SAMMSON: variants seen among roughly 807,000 people sequenced by gnomAD.
SAMMSON encodes the protein long intergenic non-protein coding RNA 1212.
intron 4 of SAMMSON, among the ~76,000 whole-genome samples, chr3:70,155,658 A>G (rs956211226): frequency 1.5e-4 from 23 of 152,050 alleles, no homozygotes; most frequent in African/African-American, 4.8e-4. Context: ...CTTTCTTTCT[A>G]CCCCTTTCTT....
intron 3 of SAMMSON, among the ~76,000 whole-genome samples, chr3:70,053,830 A>G (rs969438641): frequency 1.3e-5 from 2 of 152,058 alleles, no homozygotes; most frequent in African/African-American, 2.4e-5. Flanking sequence ...ACATGTTGGG[A>G]ATTTAATTTC....
At chr3:70,175,938 A>T (rs4302351) in intron 4 of SAMMSON, among the ~76,000 whole-genome samples, 71,442 of 151,868 alleles carry the variant, frequency 0.47, 17,792 homozygotes, top group Non-Finnish European at 0.52. Context: ...CATAGTAATT[A>T]GGCTTACATT....
chr3:70,429,461 T>C (rs917235608), intron 2 of SAMMSON, among the ~76,000 whole-genome samples: 9 of 152,268 alleles, frequency 5.9e-5, no homozygotes, highest in African/African-American at 2.2e-4. Context: ...TCTTTTTTGG[T>C]TCCATATGAA....
chr3:70,196,821 A>T (rs1211072687), intron 4 of SAMMSON: 1 of 397,266 alleles, frequency 2.5e-6, no homozygotes, highest in African/African-American at 2.1e-5. Flanking sequence ...AGCATCCAAG[A>T]AATGTGTACA....
chr3:70,294,551 T>G (rs1189993034), intron 7 of SAMMSON, among the ~76,000 whole-genome samples: 2 of 152,180 alleles, frequency 1.3e-5, no homozygotes, highest in African/African-American at 4.8e-5. Context: ...TTATTGGGTG[T>G]GAAGTGCTCT....
chr3:70,356,133 A>G (rs1702827707), intron 8 of SAMMSON, among the ~76,000 whole-genome samples: 1 of 152,206 alleles, frequency 6.6e-6, no homozygotes. Flanking sequence ...TCATAAAAGC[A>G]GGTATTAATT....
At chr3:70,153,449 A>C (rs1364056144) in intron 4 of SAMMSON, among the ~76,000 whole-genome samples, 2 of 151,926 alleles carry the variant, frequency 1.3e-5, no homozygotes, top group Non-Finnish European at 2.9e-5. Context: ...ACCACTGAGG[A>C]ATGTTTTTGT....
At chr3:70,003,201 T>C in intron 1 of SAMMSON, among the ~76,000 whole-genome samples, 1 of 152,214 alleles carries the variant, frequency 6.6e-6, no homozygotes, top group Middle Eastern at 3.5e-3. Context: ...TTACTCTTTT[T>C]AAAAATATTT....
Position 70,225,731 on chromosome 3 carries a change from G to T in SAMMSON, n.508-23376G>T, listed in dbSNP as rs370609681. On this transcript the variant is annotated intron_variant and non_coding_transcript_variant, in intron 4 of 9. Transcript: ENST00000642114. ...AATGAAACAATAAAGTAGAACGATA[G>T]TTTGGTGATAAGAACAAAAACACTT... is the stretch of plus-strand genomic sequence containing the variant. 3.9e-5 allele frequency among the ~76,000 whole-genome samples: 6 copies of T among 152,286 alleles called. No individual in the cohort carries two copies. In the East Asian group the frequency reaches 1.2e-3, roughly 29 times the overall value.
At chr3:70,351,628 C>G (rs1387360978) in intron 7 of SAMMSON, among the ~76,000 whole-genome samples, 2 of 151,934 alleles carry the variant, frequency 1.3e-5, no homozygotes, top group African/African-American at 4.8e-5. Flanking sequence ...TTGTTTTTAC[C>G]TCATATATCC....
intron 6 of SAMMSON, among the ~76,000 whole-genome samples, chr3:70,273,776 G>A (rs552827654): frequency 6.6e-6 from 1 of 152,282 alleles, no homozygotes; most frequent in South Asian, 2.1e-4. Flanking sequence ...AATGTAGAAA[G>A]AGGTCCAGAA....
At chr3:70,298,466 C>G (rs570087318) in intron 7 of SAMMSON, among the ~76,000 whole-genome samples, 1 of 152,168 alleles carries the variant, frequency 6.6e-6, no homozygotes, top group African/African-American at 2.4e-5. Flanking sequence ...GAGCTGAACT[C>G]CAACTTTTAT....
At chr3:70,085,341 A>G (rs1475042972) in intron 4 of SAMMSON, among the ~76,000 whole-genome samples, 1 of 152,062 alleles carries the variant, frequency 6.6e-6, no homozygotes, top group Non-Finnish European at 1.5e-5. Flanking sequence ...CCCCTTTTTC[A>G]TTATCACCTT....
chr3:70,321,272 G>T (rs1207175940), intron 7 of SAMMSON, among the ~76,000 whole-genome samples: 1 of 151,830 alleles, frequency 6.6e-6, no homozygotes, highest in Admixed American at 6.6e-5. Context: ...CCATTCCCAG[G>T]CAAACACTAA....
intron 7 of SAMMSON, among the ~76,000 whole-genome samples, chr3:70,306,741 C>T (rs1702404769): frequency 6.6e-6 from 1 of 152,024 alleles, no homozygotes; most frequent in African/African-American, 2.4e-5. Context: ...TTTGTTTTTC[C>T]CCTATTGGTG....
At chr3:70,416,192 A>T (rs1254771347) in intron 2 of SAMMSON, among the ~76,000 whole-genome samples, 1 of 152,208 alleles carries the variant, frequency 6.6e-6, no homozygotes, top group Admixed American at 6.5e-5. Flanking sequence ...CTTGTTTCCA[A>T]CATTGATGGA....
intron 4 of SAMMSON, among the ~76,000 whole-genome samples, chr3:70,235,375 C>A (rs966666044): frequency 6.6e-6 from 1 of 152,184 alleles, no homozygotes; most frequent in Non-Finnish European, 1.5e-5. Context: ...TATTTCATCA[C>A]CCACTCACTC....
chr3:70,055,904 C>G (rs2067165127), intron 3 of SAMMSON, among the ~76,000 whole-genome samples: 1 of 151,990 alleles, frequency 6.6e-6, no homozygotes, highest in South Asian at 2.1e-4. Context: ...TCATAAATAG[C>G]CTTTCATTTA....
chr3:70,206,542 A>T lies in SAMMSON; in HGVS notation n.508-42565A>T, dbSNP rs377555889. On this transcript the variant is annotated intron_variant and non_coding_transcript_variant, in intron 4 of 9. Transcript: ENST00000642114. ...GATGGGGGTTGGGAGCTTTATTTAG[A>T]GATGGGTTGAATTCTGAGAAACATA... 3.4e-4 allele frequency: 137 copies of T among 397,508 alleles called. No individual in the cohort carries two copies. In the South Asian group the frequency reaches 0.017, roughly 48 times the overall value. The allele number at this position is 397,508 out of a possible 1,614,324, so 24.6% of individuals were successfully genotyped here.
Sources: allele counts gnomAD v4.1 joint callset (sites outside exome capture counted in the v4.1 genomes callset), GRCh38; gene constraint gnomAD v4.1.1; transcripts MANE v1.5; gene names NCBI Gene and HGNC (gene_info 2026-07-23, HGNC 2026-07-21).